ARHGAP32: variants seen among roughly 807,000 people sequenced by gnomAD.
ARHGAP32 encodes the protein rho GTPase-activating protein 32.
In ARHGAP32, 51 loss-of-function variants were observed where a neutral mutation model predicts 186.5. That is an observed-to-expected ratio of 0.27 (90% CI 0.22 to 0.35). The LOEUF (loss-of-function observed/expected upper bound fraction) is 0.35. Among genes scored for constraint, ARHGAP32 ranks in the 10% least tolerant of loss-of-function variants. The pLI is 1.00. For missense variants in ARHGAP32, 2,186 were observed against 2,623.5 expected (o/e 0.83, Z 3.64); for synonymous variants, 950 against 964.3 (o/e 0.99, Z 0.27).
At chr11:129,033,168 C>T (rs1439141413) in intron 11 of ARHGAP32, among the ~76,000 whole-genome samples, 3 of 152,274 alleles carry the variant, frequency 2.0e-5, no homozygotes, top group South Asian at 4.1e-4. Context: ...TTCATTTATT[C>T]ATTCCACCAT....
intron 1 of ARHGAP32, among the ~76,000 whole-genome samples, chr11:129,259,177 C>A (rs1388443413): frequency 6.6e-6 from 1 of 152,114 alleles, no homozygotes; most frequent in Non-Finnish European, 1.5e-5. Flanking sequence ...ATTTATTAAT[C>A]ATGTGTAAGA....
chr11:129,047,761 T>C (rs1939873797), intron 10 of ARHGAP32, among the ~76,000 whole-genome samples: 1 of 152,208 alleles, frequency 6.6e-6, no homozygotes, highest in Non-Finnish European at 1.5e-5. Context: ...CCAGTCTGAC[T>C]ACCATGGCCT....
chr11:129,102,359 C>T lies in ARHGAP32; in HGVS notation c.445-8652G>A, dbSNP rs573416457. On this transcript the variant is annotated intron_variant, in intron 5 of 22. Coordinates refer to ENST00000682385, the MANE Select transcript of ARHGAP32 (RefSeq NM_001378024.1). Reference sequence around the variant, plus strand: ...CAAATCCACACATATCACTACTAACCTTGAATGTAAATGGGCTAAATACCC... The same window carrying T: ...CAAATCCACACATATCACTACTAACTTTGAATGTAAATGGGCTAAATACCC... Among the ~76,000 whole-genome samples, 41 of 152,226 alleles carry T rather than the reference C, an allele frequency of 2.7e-4. 1 individual carries two copies. The South Asian group carries it at 8.5e-3, about 32-fold the overall frequency.
intron 1 of ARHGAP32, among the ~76,000 whole-genome samples, chr11:129,187,151 G>A (rs1223699699): frequency 6.6e-6 from 1 of 152,104 alleles, no homozygotes; most frequent in African/African-American, 2.4e-5. Flanking sequence ...AAGAAAATGT[G>A]GTACTTATAC....
intron 1 of ARHGAP32, among the ~76,000 whole-genome samples, chr11:129,171,516 C>A (rs1028569009): frequency 6.6e-6 from 1 of 152,044 alleles, no homozygotes; most frequent in Non-Finnish European, 1.5e-5. Context: ...CTCTGTTCTG[C>A]TCCATTGGTC....
chr11:129,219,945 A>T (rs1484809830), intron 1 of ARHGAP32, among the ~76,000 whole-genome samples: 1 of 152,160 alleles, frequency 6.6e-6, no homozygotes, highest in Non-Finnish European at 1.5e-5. Context: ...CCATCTTGAC[A>T]TGAAAAAATA....
intron 5 of ARHGAP32, 24 bp from the exon 6 acceptor site, chr11:129,093,731 AG>A (rs777943837): frequency 5.3e-6 from 8 of 1,506,116 alleles, no homozygotes; most frequent in Non-Finnish European, 6.4e-6. Flanking sequence ...AAAAAAGAAG[AG>A]GGGGAAAGAA....
At chr11:128,982,478 TG>T in intron 15 of ARHGAP32, among the ~76,000 whole-genome samples, 1 of 141,728 alleles carries the variant, frequency 7.1e-6, no homozygotes, top group East Asian at 2.0e-4. Flanking sequence ...AAGTGCCGTG[TG>T]TGTGTGTGTG....
rs187710699 is a variant in ARHGAP32, at chr11:129,163,404, G to A, written c.225+915C>T. Among the ~76,000 whole-genome samples the A allele has an allele frequency of 9.9e-5, 15 of 152,146 alleles. No individual in the cohort carries two copies. In the East Asian group the frequency reaches 2.9e-3, roughly 29 times the overall value. The stretch of plus-strand genomic sequence containing the variant: ...TAAATGAGTATCTCAAATGTATTAC[G>A]TGAAAAACTACACTGCTGATTTTTC... On this transcript the variant is annotated intron_variant, in intron 2 of 22. Coordinates refer to ENST00000682385, the MANE Select transcript of ARHGAP32 (RefSeq NM_001378024.1).
chr11:129,203,170 T>C (rs1944476463), intron 1 of ARHGAP32: 1 of 152,226 alleles, frequency 6.6e-6, no homozygotes, highest in Admixed American at 6.5e-5. Context: ...ACTTGCTTTA[T>C]CAGATACATT....
At chr11:128,993,153 A>C (rs1946107074) in intron 12 of ARHGAP32, 1 of 152,222 alleles carries the variant, frequency 6.6e-6, no homozygotes, top group Non-Finnish European at 1.5e-5. Flanking sequence ...ATAATAAGAT[A>C]ATCTCCCTAT....
chr11:129,008,419 A>G (rs1054999618), intron 11 of ARHGAP32, among the ~76,000 whole-genome samples: 6 of 152,178 alleles, frequency 3.9e-5, no homozygotes, highest in Non-Finnish European at 8.8e-5. Context: ...TAGATAGAAC[A>G]CTAGATGGGC....
chr11:129,064,082 G>C lies in ARHGAP32; in HGVS notation c.763-58C>G, dbSNP rs532956239. 1.8e-4 allele frequency: 261 copies of C among 1,449,506 alleles called. 3 individuals are homozygous for C. In the South Asian group the frequency reaches 2.2e-3, roughly 12 times the overall value. 89.8% of individuals were successfully genotyped at this position (1,449,506 alleles called of 1,614,324 possible). A position where few individuals can be genotyped will look rare whatever the true frequency, so the allele number is the denominator to read the frequency against. On this transcript the variant is annotated intron_variant, in intron 8 of 22. Coordinates refer to ENST00000682385, the MANE Select transcript of ARHGAP32 (RefSeq NM_001378024.1). ...ACACTGGACTTGCAAATGCTTCTTT[G>C]ACTATCTATAAAAGAAATTCATTTT...
rs553711317 is a variant in ARHGAP32, at chr11:129,046,498, T to G, written c.964-5489A>C. Among the ~76,000 whole-genome samples the G allele has an allele frequency of 4.6e-5, 7 of 152,270 alleles. No homozygotes were observed. The South Asian group carries it at 1.5e-3, about 32-fold the overall frequency. On this transcript the variant is annotated intron_variant, in intron 10 of 22. Coordinates refer to ENST00000682385, the MANE Select transcript of ARHGAP32 (RefSeq NM_001378024.1). ...AGTTTCTAGTAGCTTAGCAAGCATA[T>G]GGCTCACCCTCTGACTCTAGGAGAA...
At chr11:129,112,272 C>A (rs1191244071) in intron 5 of ARHGAP32, among the ~76,000 whole-genome samples, 1 of 151,894 alleles carries the variant, frequency 6.6e-6, no homozygotes, top group Non-Finnish European at 1.5e-5. Flanking sequence ...GTCTGAGGAA[C>A]TGATGGAGGT....
chr11:129,197,212 G>T (rs1337827086), upstream of ARHGAP32, among the ~76,000 whole-genome samples: 3 of 152,020 alleles, frequency 2.0e-5, no homozygotes, highest in Admixed American at 1.3e-4. Context: ...TCTCCTTTTT[G>T]GGGGATGGGC....
chr11:129,065,901 T>A (rs1287666381), intron 7 of ARHGAP32, among the ~76,000 whole-genome samples: 1 of 152,156 alleles, frequency 6.6e-6, no homozygotes, highest in East Asian at 1.9e-4. Context: ...TGACTTGGCT[T>A]GATCATTCAA....
At chr11:129,091,895 T>C (rs1411794074) in intron 6 of ARHGAP32, among the ~76,000 whole-genome samples, 1 of 152,022 alleles carries the variant, frequency 6.6e-6, no homozygotes, top group Non-Finnish European at 1.5e-5. Context: ...AAAGTATGAT[T>C]CTAGGCTAAT....
chr11:128,985,599 T>C (rs1945840267), intron 15 of ARHGAP32, among the ~76,000 whole-genome samples: 3 of 152,000 alleles, frequency 2.0e-5, no homozygotes. Flanking sequence ...AATTAGGTTT[T>C]AAAATGTAGC....
Sources: allele counts gnomAD v4.1 joint callset (sites outside exome capture counted in the v4.1 genomes callset), GRCh38; gene constraint gnomAD v4.1.1; transcripts MANE v1.5; gene names NCBI Gene and HGNC (gene_info 2026-07-23, HGNC 2026-07-21).